The following KCNQ5 variants were observed in gnomAD, a reference collection of about 807,000 sequenced individuals.
The protein encoded by KCNQ5 is potassium voltage-gated channel subfamily Q member 5.
A neutral mutation model predicts 98.2 loss-of-function variants in KCNQ5; 30 were observed. The observed-to-expected ratio is 0.31, with a 90% CI of 0.23 to 0.41. The LOEUF is 0.41. Ranked by LOEUF, KCNQ5 falls within the 10% of genes least tolerant of loss-of-function variation. The pLI is 1.00. For missense variants in KCNQ5, 835 were observed against 1,182.5 expected (o/e 0.71, Z 4.31); for synonymous variants, 458 against 449.4 (o/e 1.02, Z -0.24).
chr6:72,834,217 A>T (rs1253514572), intron 1 of KCNQ5, among the ~76,000 whole-genome samples: 1 of 152,088 alleles, frequency 6.6e-6, no homozygotes, highest in East Asian at 1.9e-4. Context: ...CATTTTTAAG[A>T]CTTAAAAAAG....
chr6:72,647,939 G>A (rs1305872828), intron 1 of KCNQ5, among the ~76,000 whole-genome samples: 1 of 152,060 alleles, frequency 6.6e-6, no homozygotes, highest in Non-Finnish European at 1.5e-5. Context: ...CAGCCACTCA[G>A]TAAATATTGA....
At chr6:72,857,102 G>C (rs961773491) in intron 1 of KCNQ5, among the ~76,000 whole-genome samples, 1 of 152,160 alleles carries the variant, frequency 6.6e-6, no homozygotes, top group Admixed American at 6.5e-5. Context: ...GCCATGCAGG[G>C]GCCAACAATC....
chr6:73,123,979 A>T (rs1365490270), intron 8 of KCNQ5, among the ~76,000 whole-genome samples: 1 of 152,188 alleles, frequency 6.6e-6, no homozygotes, highest in African/African-American at 2.4e-5. Flanking sequence ...AGGCTAAAAG[A>T]GTTTTGGTAA....
At chr6:72,922,520 CCTGT>C (rs1780445142) in intron 1 of KCNQ5, among the ~76,000 whole-genome samples, 1 of 152,118 alleles carries the variant, frequency 6.6e-6, no homozygotes, top group South Asian at 2.1e-4. Context: ...GTTTATTCCT[CCTGT>C]CTAACTGAAA....
intron 1 of KCNQ5, among the ~76,000 whole-genome samples, chr6:72,676,152 C>A (rs1048182517): frequency 4.6e-5 from 7 of 152,090 alleles, no homozygotes; most frequent in African/African-American, 1.7e-4. Context: ...TACTGCACAT[C>A]CTATTTCGTA....
At chr6:73,055,955 A>C in intron 3 of KCNQ5, 1 of 422,830 alleles carries the variant, frequency 2.4e-6, no homozygotes, top group Non-Finnish European at 4.6e-6. Context: ...CTTGAGTTGC[A>C]GCTGCAGATG....
At chr6:72,660,468 C>G (rs528752538) in intron 1 of KCNQ5, among the ~76,000 whole-genome samples, 1 of 150,452 alleles carries the variant, frequency 6.6e-6, no homozygotes, top group South Asian at 2.1e-4. Context: ...AAAAGGCCAA[C>G]AATAACATGT....
rs189694025 is a variant in KCNQ5 at position 73,150,339 on chromosome 6, A to G, written c.1468+16698A>G. On this transcript the variant is annotated intron_variant, in intron 10 of 13. Transcript: ENST00000370398. ...CAAGTAATTTTATTCTCGGGTATTT[A>G]GCCCAGAGAAATTGTTATGTTCCCA... Among the ~76,000 whole-genome samples the G allele has an allele frequency of 1.6e-3, 246 of 151,640 alleles. 1 individual carries two copies. The highest frequency in any genetic ancestry group is 2.8e-3 in the Non-Finnish European group (188 of 67,910).
At chr6:72,741,900 C>T (rs560636205) in intron 1 of KCNQ5, among the ~76,000 whole-genome samples, 1 of 152,310 alleles carries the variant, frequency 6.6e-6, no homozygotes, top group Admixed American at 6.5e-5. Flanking sequence ...AACCTAACTC[C>T]ATTGTCCCCT....
intron 2 of KCNQ5, among the ~76,000 whole-genome samples, chr6:73,013,749 G>A (rs906950229): frequency 6.6e-6 from 1 of 152,034 alleles, no homozygotes; most frequent in African/African-American, 2.4e-5. Flanking sequence ...TTCTTTCAAG[G>A]CTGACAAGTC....
At chr6:73,100,199 A>T (rs1774707475) in intron 5 of KCNQ5, among the ~76,000 whole-genome samples, 1 of 152,262 alleles carries the variant, frequency 6.6e-6, no homozygotes, top group East Asian at 1.9e-4. Flanking sequence ...CAAAAGGAGT[A>T]CTAAAAGGGA....
intron 1 of KCNQ5, among the ~76,000 whole-genome samples, chr6:72,649,846 A>T (rs1230632296): frequency 1.3e-5 from 2 of 152,154 alleles, no homozygotes; most frequent in African/African-American, 4.8e-5. Context: ...AGACAACATG[A>T]ACTTAACACA....
chr6:72,776,505 A>G (rs929441459), intron 1 of KCNQ5, among the ~76,000 whole-genome samples: 1 of 152,226 alleles, frequency 6.6e-6, no homozygotes, highest in Admixed American at 6.5e-5. Context: ...ATTATGGACT[A>G]TTAAAAATTA....
intron 2 of KCNQ5, among the ~76,000 whole-genome samples, chr6:73,025,252 T>C (rs1770821661): frequency 6.6e-6 from 1 of 152,200 alleles, no homozygotes; most frequent in Non-Finnish European, 1.5e-5. Context: ...TGCAACATAA[T>C]TGATGCTCTA....
intron 1 of KCNQ5, among the ~76,000 whole-genome samples, chr6:72,737,618 A>T (rs1051531415): frequency 1.3e-5 from 2 of 152,190 alleles, no homozygotes; most frequent in Non-Finnish European, 2.9e-5. Context: ...AATTTAGTGG[A>T]TAGAGAACTA....
chr6:73,173,201 T>A (rs994098462), intron 11 of KCNQ5, among the ~76,000 whole-genome samples: 3 of 152,220 alleles, frequency 2.0e-5, no homozygotes, highest in African/African-American at 7.2e-5. Context: ...AAAATATTAT[T>A]TCAGGGAAAT....
chr6:73,146,734 C>T (rs925348114), intron 10 of KCNQ5, among the ~76,000 whole-genome samples: 3 of 150,582 alleles, frequency 2.0e-5, no homozygotes, highest in African/African-American at 7.4e-5. Context: ...AGGTGTGGAG[C>T]AGTGACTATC....
At chr6:73,124,994 T>C (rs1478270916) in intron 9 of KCNQ5, among the ~76,000 whole-genome samples, 2 of 124,466 alleles carry the variant, frequency 1.6e-5, no homozygotes, top group Non-Finnish European at 3.3e-5. Context: ...CACACACACA[T>C]ATATATATCA....
chr6:72,719,703 T>C lies in KCNQ5; in HGVS notation c.398+97116T>C, dbSNP rs548950479. On this transcript the variant is annotated intron_variant, in intron 1 of 13. Transcript: ENST00000370398. The stretch of plus-strand genomic sequence containing the variant: ...TTTGTGGGTAGCTCCCATAGGTTCC[T>C]CTCTTGCCTCTCTGGTAACTCCTTT... 4.6e-4 allele frequency among the ~76,000 whole-genome samples: 70 copies of C among 152,278 alleles called. 1 individual carries two copies. In the South Asian group the frequency reaches 0.015, roughly 32 times the overall value.
Sources: allele counts gnomAD v4.1 joint callset (sites outside exome capture counted in the v4.1 genomes callset), GRCh38; gene constraint gnomAD v4.1.1; transcripts MANE v1.5; gene names NCBI Gene and HGNC (gene_info 2026-07-23, HGNC 2026-07-21).